AQP9: variants seen among roughly 807,000 people sequenced by gnomAD.
AQP9 encodes aquaporin 9.
AQP9 carries 19 observed loss-of-function variants against 23.8 expected under a neutral mutation model. That is an observed-to-expected ratio of 0.80 (90% confidence interval 0.56 to 1.17). The LOEUF (loss-of-function observed/expected upper bound fraction) is 1.17, where lower values mean the gene tolerates loss of function less well. AQP9 is among the 50% of genes most tolerant of loss of function. AQP9 has a pLI of 0.00. For synonymous variants in AQP9, 153 were observed against 131.5 expected, an observed-to-expected ratio of 1.16 and a Z score of -1.12; for missense variants, 413 against 362.0, an observed-to-expected ratio of 1.14 and a Z score of -1.14.
At chr15:58,178,712 A>G (rs1164007943) in intron 4 of AQP9, among the ~76,000 whole-genome samples, 3 of 152,126 alleles carry the variant, frequency 2.0e-5, no homozygotes, top group African/African-American at 7.2e-5. Flanking sequence ...ACACTCATCT[A>G]TTGATATCTC....
intron 2 of AQP9, among the ~76,000 whole-genome samples, chr15:58,169,861 T>C (rs2140621753): frequency 6.6e-6 from 1 of 152,276 alleles, no homozygotes. Flanking sequence ...AAAATAAACT[T>C]ATTGAAAAAG....
rs138118300 is a variant in AQP9 at position 58,180,536 on chromosome 15, G to C, written c.713+1191G>C. On this transcript the variant is annotated intron_variant, in intron 5 of 5. Coordinates refer to ENST00000219919, the MANE Select transcript of AQP9 (RefSeq NM_020980.5). ...TAGAAAGGCTCAATAAAAAGGTATT[G>C]AATAAAAGAATGAATGAATTCTATG... Among the ~76,000 whole-genome samples, 544 of 152,286 alleles carry C rather than the reference G, an allele frequency of 3.6e-3. 3 individuals carry two copies. The highest frequency in any genetic ancestry group is 5.3e-3 in the Non-Finnish European group (358 of 68,008).
intron 5 of AQP9, 83 bp from the exon 6 acceptor site, chr15:58,183,878 G>T: frequency 6.9e-7 from 1 of 1,454,270 alleles, no homozygotes; most frequent in South Asian, 1.3e-5. Flanking sequence ...GTGTGAGAAA[G>T]ACTAACAAGT....
intron 1 of AQP9, among the ~76,000 whole-genome samples, chr15:58,157,415 GCTTA>G (rs1208857681): frequency 1.3e-5 from 2 of 152,296 alleles, no homozygotes; most frequent in South Asian, 2.1e-4. Flanking sequence ...TGTCCACCTG[GCTTA>G]CTTTTTTGAC....
chr15:58,170,787 A>G (rs2140622836), intron 2 of AQP9, among the ~76,000 whole-genome samples: 1 of 152,308 alleles, frequency 6.6e-6, no homozygotes, highest in South Asian at 2.1e-4. Context: ...CAGCCTCAGG[A>G]TGCTTAGGAG....
intron 1 of AQP9, chr15:58,156,139 G>A (rs1898254723): frequency 6.6e-6 from 1 of 151,990 alleles, no homozygotes; most frequent in Non-Finnish European, 1.5e-5. Flanking sequence ...GGACAACTCA[G>A]GGAAAAAGCA....
intron 1 of AQP9, among the ~76,000 whole-genome samples, chr15:58,163,611 A>T (rs1898433000): frequency 6.6e-6 from 1 of 152,184 alleles, no homozygotes. Context: ...TGGACGACAG[A>T]CCTAAAAATG....
At chr15:58,170,854 TAAAC>T (rs1457457206) in intron 2 of AQP9, among the ~76,000 whole-genome samples, 2 of 152,208 alleles carry the variant, frequency 1.3e-5, no homozygotes, top group African/African-American at 4.8e-5. Flanking sequence ...ACGAAATTGT[TAAAC>T]AAAGAAATCT....
chr15:58,149,994 T>C (rs910146435), intron 1 of AQP9, among the ~76,000 whole-genome samples: 13 of 152,214 alleles, frequency 8.5e-5, no homozygotes, highest in Non-Finnish European at 1.8e-4. Flanking sequence ...GTTATCACCA[T>C]GGTATCTGCA....
intron 1 of AQP9, chr15:58,146,888 G>C (rs186755785): frequency 2.0e-5 from 3 of 152,208 alleles, no homozygotes; most frequent in African/African-American, 7.2e-5. Flanking sequence ...AACTGTGACC[G>C]TAAATGACTA....
chr15:58,160,136 A>T lies in AQP9; in HGVS notation c.112-6537A>T, dbSNP rs8042624. On this transcript the variant is annotated intron_variant, in intron 1 of 5. Transcript: ENST00000219919. Reference sequence around the variant, plus strand: ...TTACATTCCTAACAACAGCGTATAAATGTTCCTCTTTCTCCACATCCATTA... The same window carrying T: ...TTACATTCCTAACAACAGCGTATAATTGTTCCTCTTTCTCCACATCCATTA... Among the ~76,000 whole-genome samples the T allele has an allele frequency of 3.6e-4, 54 of 152,032 alleles. 1 individual carries two copies. The highest frequency in any genetic ancestry group is 3.9e-4 in the Admixed American group (6 of 15,268).
intron 1 of AQP9, among the ~76,000 whole-genome samples, chr15:58,156,896 C>G (rs1450411269): frequency 6.6e-6 from 1 of 152,118 alleles, no homozygotes; most frequent in Non-Finnish European, 1.5e-5. Flanking sequence ...GTGCGCTTAC[C>G]CTACATATGT....
At chr15:58,172,203 C>A (rs891018317) in intron 2 of AQP9, among the ~76,000 whole-genome samples, 1 of 152,202 alleles carries the variant, frequency 6.6e-6, no homozygotes, top group African/African-American at 2.4e-5. Flanking sequence ...AACTTACTTT[C>A]CGTCCATGCC....
intron 1 of AQP9, among the ~76,000 whole-genome samples, chr15:58,158,900 C>A (rs541887340): frequency 6.6e-6 from 1 of 152,172 alleles, no homozygotes; most frequent in Admixed American, 6.5e-5. Flanking sequence ...TACGGAATTC[C>A]TAAACTTCAT....
intron 2 of AQP9, among the ~76,000 whole-genome samples, chr15:58,167,101 C>A (rs1898525497): frequency 6.6e-6 from 1 of 152,176 alleles, no homozygotes; most frequent in Admixed American, 6.5e-5. Context: ...TTGCTCTAGT[C>A]CACATTTGGA....
intron 5 of AQP9, among the ~76,000 whole-genome samples, chr15:58,180,405 C>T (rs1898858084): frequency 6.6e-6 from 1 of 152,156 alleles, no homozygotes; most frequent in Non-Finnish European, 1.5e-5. Flanking sequence ...CCATTGAGAT[C>T]ACCACCACAG....
chr15:58,140,197 CTTTTTTT>C (rs67540225), intron 1 of AQP9, among the ~76,000 whole-genome samples: 23 of 131,660 alleles, frequency 1.7e-4, no homozygotes, highest in Non-Finnish European at 3.7e-4. Context: ...AACTACACAT[CTTTTTTT>C]TTTTTTTTTT....
chr15:58,162,987 G>A (rs1448731463), intron 1 of AQP9, among the ~76,000 whole-genome samples: 1 of 152,188 alleles, frequency 6.6e-6, no homozygotes, highest in African/African-American at 2.4e-5. Flanking sequence ...GAAATACAAA[G>A]TTTGTGTGAT....
chr15:58,146,225 A>T (rs185967808), intron 1 of AQP9, among the ~76,000 whole-genome samples: 261 of 151,964 alleles, frequency 1.7e-3, no homozygotes, highest in Non-Finnish European at 3.3e-3. Flanking sequence ...TAGAACTCCT[A>T]CTATATTGGT....
Sources: allele counts gnomAD v4.1 joint callset (sites outside exome capture counted in the v4.1 genomes callset), GRCh38; gene constraint gnomAD v4.1.1; transcripts MANE v1.5; gene names NCBI Gene and HGNC (gene_info 2026-07-23, HGNC 2026-07-21).